Variants in PALLD observed in about 807,000 individuals in gnomAD.
The protein encoded by PALLD is palladin, cytoskeletal associated protein, also known as palladin.
In PALLD, 61 loss-of-function variants were observed where a neutral mutation model predicts 123.5. That is an observed-to-expected ratio of 0.49 (90% CI 0.40 to 0.61). The LOEUF is 0.61. Ranked by LOEUF, PALLD falls within the 20% of genes least tolerant of loss-of-function variation. The probability of loss-of-function intolerance (pLI) is 0.00; values close to 1 mark genes in which losing one functional copy is unlikely to be tolerated. For synonymous variants in PALLD, 465 were observed against 496.4 expected, an observed-to-expected ratio of 0.94 and a Z score of 0.84; for missense variants, 1,273 against 1,377.0, an observed-to-expected ratio of 0.92 and a Z score of 1.20.
intron 10 of PALLD, among the ~76,000 whole-genome samples, chr4:168,788,458 CA>C (rs1737058556): frequency 6.6e-6 from 1 of 152,028 alleles, no homozygotes; most frequent in Non-Finnish European, 1.5e-5. Context: ...CAGTGGTTGC[CA>C]GGAGTTGAGG....
intron 3 of PALLD, among the ~76,000 whole-genome samples, chr4:168,670,338 C>A (rs187399129): frequency 1.3e-5 from 2 of 152,326 alleles, no homozygotes; most frequent in African/African-American, 2.4e-5. Context: ...TATTAAGATC[C>A]TACTAAGTGC....
chr4:168,571,434 T>A (rs545127214), intron 2 of PALLD, among the ~76,000 whole-genome samples: 2 of 152,274 alleles, frequency 1.3e-5, no homozygotes, highest in African/African-American at 4.8e-5. Context: ...ACTGGAAAAG[T>A]TTTCTTCCAT....
At chr4:168,612,254 C>CAA (rs5863950) in intron 2 of PALLD, among the ~76,000 whole-genome samples, 6 of 127,126 alleles carry the variant, frequency 4.7e-5, no homozygotes, top group Admixed American at 4.1e-4. Context: ...TCTAGGTTTA[C>CAA]AAAAAAAAAA....
chr4:168,928,352 C>CATACTACTTTGG lies in PALLD; in HGVS notation c.*2175_*2186dup. On this transcript the variant is annotated 3_prime_UTR_variant, in exon 22 of 22. Coordinates refer to ENST00000505667, the MANE Select transcript of PALLD (RefSeq NM_001166108.2). ...AAAAAAAAAAGTACTATCAATCAAT[C>CATACTACTTTGG]ATACTACTTTGGATTGTTGTGCTGG... 5.5e-6 allele frequency: 1 copy of CATACTACTTTGG among 182,726 alleles called. No homozygotes were observed. Among genetic ancestry groups the CATACTACTTTGG allele is most frequent in the Non-Finnish European group, 1.2e-5 (1 of 85,648 alleles). 11.3% of individuals were successfully genotyped at this position (182,726 alleles called of 1,614,324 possible).
At position 168,928,022 on chromosome 4, in the gene PALLD, T is replaced by C. The variant is rs1049835766; in HGVS notation, c.*1842T>C. The C allele has an allele frequency of 5.1e-5, 10 of 195,602 alleles. No homozygotes were observed. Among genetic ancestry groups the C allele is most frequent in the African/African-American group, 2.3e-4 (10 of 43,268 alleles). The allele number at this position is 195,602 out of a possible 1,614,324, so 12.1% of individuals were successfully genotyped here. On this transcript the variant is annotated 3_prime_UTR_variant, in exon 22 of 22. Transcript: ENST00000505667. ...ACCCCATATATTTCATATTACTGTTTCACATGTACAGCTTTCTACTTCTTT... is the reference window on the plus strand; with the variant it reads ...ACCCCATATATTTCATATTACTGTTCCACATGTACAGCTTTCTACTTCTTT...
At chr4:168,504,486 C>T (rs930379466) in intron 1 of PALLD, among the ~76,000 whole-genome samples, 11 of 151,500 alleles carry the variant, frequency 7.3e-5, no homozygotes, top group Admixed American at 5.9e-4. Context: ...CCCAGCTACT[C>T]GGGAGACTGA....
At chr4:168,501,267 A>C (rs191272408) in intron 1 of PALLD, among the ~76,000 whole-genome samples, 1 of 152,248 alleles carries the variant, frequency 6.6e-6, no homozygotes, top group Non-Finnish European at 1.5e-5. Flanking sequence ...AAAAAGAATT[A>C]GCAGGACTTG....
chr4:168,545,541 G>C (rs1352275861), intron 2 of PALLD, among the ~76,000 whole-genome samples: 1 of 145,802 alleles, frequency 6.9e-6, no homozygotes, highest in Non-Finnish European at 1.5e-5. Flanking sequence ...AAAAAAAAAA[G>C]AACTCAGTTT....
chr4:168,840,444 AACC>A (rs1393412155), intron 10 of PALLD, among the ~76,000 whole-genome samples: 4 of 152,138 alleles, frequency 2.6e-5, no homozygotes, highest in African/African-American at 9.7e-5. Context: ...CTTTATACAC[AACC>A]ACCAAGAGTT....
At chr4:168,882,754 G>A (rs532727854) in intron 10 of PALLD, among the ~76,000 whole-genome samples, 2 of 152,196 alleles carry the variant, frequency 1.3e-5, no homozygotes, top group East Asian at 3.8e-4. Flanking sequence ...GATCTGCTGC[G>A]ACTGGGTTAT....
Position 168,688,231 on chromosome 4 carries a change from G to T in PALLD, c.1336-2372G>T, listed in dbSNP as rs1048304333. 2.0e-5 allele frequency among the ~76,000 whole-genome samples: 3 copies of T among 152,310 alleles called. No individual in the cohort carries two copies. In the East Asian group the frequency reaches 5.8e-4, roughly 29 times the overall value. ...CACTGGGCTTTCTCTTAGGCATGAT[G>T]ATGACAGTGAATGGCAGGTGGGCTG... is the stretch of plus-strand genomic sequence containing the variant. On this transcript the variant is annotated intron_variant, in intron 6 of 21. Coordinates refer to ENST00000505667, the MANE Select transcript of PALLD (RefSeq NM_001166108.2).
At chr4:168,879,021 G>C (rs568424550) in intron 10 of PALLD, among the ~76,000 whole-genome samples, 2 of 152,296 alleles carry the variant, frequency 1.3e-5, no homozygotes, top group South Asian at 4.1e-4. Context: ...TGATTGACTG[G>C]AAGGGGGCAA....
chr4:168,711,557 T>C (rs1272153055), intron 9 of PALLD, 24 bp from the exon 10 acceptor site: 1 of 1,533,046 alleles, frequency 6.5e-7, no homozygotes, highest in South Asian at 1.1e-5. Flanking sequence ...TTCTTATGTT[T>C]TTCCTCTCTT....
At chr4:168,744,891 A>G (rs115919651) in intron 10 of PALLD, among the ~76,000 whole-genome samples, 1,971 of 152,270 alleles carry the variant, frequency 0.013, 42 homozygotes, top group African/African-American at 0.045. Flanking sequence ...CATTAAAGGT[A>G]GGCTGAGCTA....
chr4:168,695,080 G>A (rs1028818602), intron 8 of PALLD, among the ~76,000 whole-genome samples: 2 of 152,112 alleles, frequency 1.3e-5, no homozygotes, highest in Non-Finnish European at 2.9e-5. Flanking sequence ...ACAAAAACGC[G>A]TCTTACTGGT....
At chr4:168,658,915 T>G (rs1000217789) in intron 2 of PALLD, among the ~76,000 whole-genome samples, 2 of 152,192 alleles carry the variant, frequency 1.3e-5, no homozygotes, top group African/African-American at 4.8e-5. Flanking sequence ...CCACACAAAT[T>G]TAGCTATTGG....
intron 10 of PALLD, among the ~76,000 whole-genome samples, chr4:168,816,389 G>GTATATATA (rs34216824): frequency 5.0e-4 from 70 of 139,028 alleles, no homozygotes; most frequent in Admixed American, 1.9e-3. Context: ...GTGTATGTGT[G>GTATATATA]TATATATATA....
intron 2 of PALLD, among the ~76,000 whole-genome samples, chr4:168,567,088 T>C (rs1251034184): frequency 6.6e-6 from 1 of 152,220 alleles, no homozygotes; most frequent in Non-Finnish European, 1.5e-5. Context: ...CTCCATTTTG[T>C]AAGTAGCCAA....
intron 2 of PALLD, among the ~76,000 whole-genome samples, chr4:168,532,497 TAGGAG>T (rs1298308297): frequency 6.6e-6 from 1 of 151,440 alleles, no homozygotes; most frequent in Non-Finnish European, 1.5e-5. Flanking sequence ...GAAAAAACTT[TAGGAG>T]AGAAGATTTT....
Sources: gnomAD v4.1 joint callset for allele counts (sites outside exome capture counted in the v4.1 genomes callset) on GRCh38, gnomAD v4.1.1 for gene constraint, MANE v1.5 for transcripts, NCBI Gene and HGNC (gene_info 2026-07-23, HGNC 2026-07-21) for gene names.